The following VPS50 variants were observed in gnomAD, a reference collection of about 807,000 sequenced individuals.
The protein encoded by VPS50 is syndetin.
Under a neutral mutation model 139.7 loss-of-function variants are expected in VPS50, and 70 were observed. The ratio of observed to expected loss-of-function variants is 0.50; its 90% CI spans 0.41 to 0.61. VPS50 has a LOEUF of 0.61. VPS50 is among the 20% of genes least tolerant of loss of function. The pLI is 0.00. For missense variants in VPS50, 921 were observed against 1,133.7 expected (o/e 0.81, Z 2.69); for synonymous variants, 365 against 376.7 (o/e 0.97, Z 0.36).
intron 18 of VPS50, among the ~76,000 whole-genome samples, chr7:93,307,459 A>G (rs1460900533): frequency 6.6e-6 from 1 of 151,968 alleles, no homozygotes; most frequent in African/African-American, 2.4e-5. Context: ...ATAGTATGAG[A>G]GCCTAAGCAA....
intron 21 of VPS50, among the ~76,000 whole-genome samples, chr7:93,325,997 C>A (rs1363908591): frequency 6.6e-6 from 1 of 151,502 alleles, no homozygotes; most frequent in South Asian, 2.1e-4. Flanking sequence ...CACATGCACA[C>A]GTATGTTTAT....
At position 93,319,852 on chromosome 7, in the gene VPS50, G is replaced by T. The variant is rs534843058; in HGVS notation, c.1856-3759G>T. Among the ~76,000 whole-genome samples the T allele has an allele frequency of 3.1e-3, 476 of 151,956 alleles. 3 individuals carry two copies. The highest frequency in any genetic ancestry group is 0.011 in the African/African-American group (455 of 41,482). On this transcript the variant is annotated intron_variant, in intron 20 of 27. Transcript: ENST00000305866. ...TTTCTCAAATGTTTCCCACAGTATTGTCTTTTGCTGTACCTTTTAGGAGAC... is the reference window on the plus strand; with the variant it reads ...TTTCTCAAATGTTTCCCACAGTATTTTCTTTTGCTGTACCTTTTAGGAGAC...
intron 12 of VPS50, among the ~76,000 whole-genome samples, chr7:93,290,650 A>T (rs2188402): frequency 0.075 from 11,369 of 152,004 alleles, 474 homozygotes; most frequent in East Asian, 0.19. Context: ...TGTAAGATTA[A>T]GCCATTCTAG....
chr7:93,357,970 T>C (rs774576607), intron 27 of VPS50, among the ~76,000 whole-genome samples: 2 of 152,112 alleles, frequency 1.3e-5, no homozygotes, highest in African/African-American at 2.4e-5. Context: ...ATTTGAAATG[T>C]CAGTGTATTT....
At chr7:93,259,409 T>C (rs1695748734) in intron 8 of VPS50, 141 bp from the exon 9 acceptor site, 1 of 494,528 alleles carries the variant, frequency 2.0e-6, no homozygotes. Context: ...TTGTCACTTA[T>C]CTATCATTGA....
intron 12 of VPS50, among the ~76,000 whole-genome samples, chr7:93,285,202 G>A (rs541519508): frequency 1.3e-5 from 2 of 152,090 alleles, no homozygotes; most frequent in African/African-American, 4.8e-5. Context: ...GTGTGTTTTG[G>A]GGGGTGGAGG....
chr7:93,322,587 G>C (rs986480719), intron 20 of VPS50, among the ~76,000 whole-genome samples: 2 of 119,494 alleles, frequency 1.7e-5, no homozygotes, highest in Non-Finnish European at 3.2e-5. Context: ...GCGACAGAGC[G>C]AGACTCCGTC....
chr7:93,354,312 T>C (rs1056748417), intron 26 of VPS50, among the ~76,000 whole-genome samples: 17 of 126,146 alleles, frequency 1.3e-4, no homozygotes, highest in African/African-American at 5.9e-4. Flanking sequence ...TTTTTTTTTT[T>C]TGAGACAGTC....
At chr7:93,303,890 A>C (rs954347162) in intron 17 of VPS50, among the ~76,000 whole-genome samples, 1 of 151,824 alleles carries the variant, frequency 6.6e-6, no homozygotes, top group African/African-American at 2.4e-5. Flanking sequence ...AATTAGCTAT[A>C]TTTTGGCATA....
intron 12 of VPS50, among the ~76,000 whole-genome samples, chr7:93,290,773 G>A (rs1311279188): frequency 6.6e-6 from 1 of 151,918 alleles, no homozygotes; most frequent in African/African-American, 2.4e-5. Context: ...GAATGTTTTG[G>A]TGAATGAGTT....
intron 4 of VPS50, among the ~76,000 whole-genome samples, chr7:93,255,043 G>A (rs938831416): frequency 2.0e-5 from 3 of 151,998 alleles, no homozygotes; most frequent in Non-Finnish European, 2.9e-5. Flanking sequence ...CAATTCTTTT[G>A]GCACCAGGGA....
chr7:93,254,546 C>T (rs918423649), intron 4 of VPS50, among the ~76,000 whole-genome samples: 4 of 152,100 alleles, frequency 2.6e-5, no homozygotes, highest in East Asian at 1.9e-4. Context: ...GAATTAGAGC[C>T]GCAAGCCACT....
At chr7:93,346,233 A>G (rs1798389874) in intron 23 of VPS50, among the ~76,000 whole-genome samples, 1 of 152,214 alleles carries the variant, frequency 6.6e-6, no homozygotes, top group Non-Finnish European at 1.5e-5. Flanking sequence ...AATTGCTTCA[A>G]AGAGAATAAA....
At chr7:93,353,826 C>G in intron 26 of VPS50, 65 bp downstream of exon 26, 1 of 1,238,694 alleles carries the variant, frequency 8.1e-7, no homozygotes, top group Non-Finnish European at 1.2e-6. Context: ...GAATAACATA[C>G]GGTATTAATG....
chr7:93,302,351 T>C (rs1407161527), intron 16 of VPS50, among the ~76,000 whole-genome samples: 1 of 149,048 alleles, frequency 6.7e-6, no homozygotes, highest in African/African-American at 2.4e-5. Context: ...GTTTCTTCCT[T>C]TTTTTTTTTC....
chr7:93,247,552 A>G (rs1350596645), intron 2 of VPS50, among the ~76,000 whole-genome samples: 4 of 151,988 alleles, frequency 2.6e-5, no homozygotes, highest in Non-Finnish European at 5.9e-5. Context: ...CACCACTTCC[A>G]TCAGATGTGA....
chr7:93,335,826 T>C (rs543664521), intron 22 of VPS50, among the ~76,000 whole-genome samples: 2 of 152,202 alleles, frequency 1.3e-5, no homozygotes, highest in Non-Finnish European at 2.9e-5. Context: ...TTCTGTGTCA[T>C]CCCTGCTAGC....
Position 93,308,911 on chromosome 7 carries a change from G to T in VPS50, c.1717G>T (p.Asp573Tyr). ...TGAGGAACTCAAACGAGACTATGTG[G>T]ATGAGCAGACAGGAGATGGTCCTGT... is the stretch of plus-strand genomic sequence containing the variant. ...VPEELKRDYV[D>Y]EQTGDGPVKS... The change falls in exon 19 of 28, where the codon GAT becomes TAT. Residue 573 changes from aspartate to tyrosine, a missense_variant. Around this residue, in one of 3 missense-constraint regions of VPS50, gnomAD observed 744 missense variants for 930.6 expected, o/e 0.80. Transcript: ENST00000305866. 1 of 1,599,708 alleles carries T rather than the reference G, an allele frequency of 6.3e-7. No individual in the cohort carries two copies. Among genetic ancestry groups the T allele is most frequent in the Non-Finnish European group, 8.6e-7 (1 of 1,167,694 alleles).
At chr7:93,238,146 G>C (rs1323466985) in intron 1 of VPS50, among the ~76,000 whole-genome samples, 1 of 152,160 alleles carries the variant, frequency 6.6e-6, no homozygotes, top group Non-Finnish European at 1.5e-5. Flanking sequence ...GTGTAGTTTG[G>C]TAACTCAGCC....
Sources: allele counts gnomAD v4.1 joint callset (sites outside exome capture counted in the v4.1 genomes callset), GRCh38; gene constraint gnomAD v4.1.1; regional missense constraint gnomAD v4.1.1; transcripts MANE v1.5; gene names NCBI Gene and HGNC (gene_info 2026-07-23, HGNC 2026-07-21).